The following AGFG1 variants were observed in gnomAD, a reference collection of about 807,000 sequenced individuals.
AGFG1 encodes arf-GAP domain and FG repeat-containing protein 1.
In AGFG1, 10 loss-of-function variants were observed where a neutral mutation model predicts 60.6. That is an observed-to-expected ratio of 0.16 (90% confidence interval 0.10 to 0.28). The LOEUF (loss-of-function observed/expected upper bound fraction) is 0.28, where lower values mean the gene tolerates loss of function less well. Among genes scored for constraint, AGFG1 ranks in the 10% least tolerant of loss-of-function variants. The probability of loss-of-function intolerance (pLI) is 1.00; values close to 1 mark genes in which losing one functional copy is unlikely to be tolerated. For missense variants in AGFG1, 537 were observed against 676.5 expected (o/e 0.79, Z 2.29); for synonymous variants, 247 against 242.9 (o/e 1.02, Z -0.16).
rs191115192 is a variant in AGFG1, at chr2:227,513,572, C to T, written c.262-6376C>T. On this transcript the variant is annotated intron_variant, in intron 2 of 12. Transcript: ENST00000310078. The stretch of plus-strand genomic sequence containing the variant: ...TTACTGCCAATGGGTAGTGATATGC[C>T]CTGCTGTTACTAACCCTGGGATATA... Among the ~76,000 whole-genome samples, 4 of 152,226 alleles carry T rather than the reference C, an allele frequency of 2.6e-5. No individual in the cohort carries two copies. In the East Asian group the frequency reaches 7.7e-4, roughly 29 times the overall value.
At chr2:227,545,455 C>T (rs1307037252) in intron 10 of AGFG1, among the ~76,000 whole-genome samples, 2 of 152,248 alleles carry the variant, frequency 1.3e-5, no homozygotes, top group Non-Finnish European at 2.9e-5. Flanking sequence ...CTCAAGCCTA[C>T]TTCTGTCAGT....
At chr2:227,509,343 AAGAC>A (rs1337033531) in intron 2 of AGFG1, among the ~76,000 whole-genome samples, 1 of 152,174 alleles carries the variant, frequency 6.6e-6, no homozygotes, top group Non-Finnish European at 1.5e-5. Context: ...ATAGTCATGA[AAGAC>A]AGAAAGAGTA....
intron 10 of AGFG1, among the ~76,000 whole-genome samples, chr2:227,550,420 T>C (rs954463032): frequency 2.0e-5 from 3 of 152,212 alleles, no homozygotes; most frequent in African/African-American, 4.8e-5. Context: ...CTTTTTGATA[T>C]ACCAAACCAT....
chr2:227,495,521 C>G (rs558915912), intron 2 of AGFG1, among the ~76,000 whole-genome samples: 2 of 143,432 alleles, frequency 1.4e-5, no homozygotes, highest in East Asian at 4.1e-4. Flanking sequence ...ACACCAGCCT[C>G]GGTGACCAAG....
At chr2:227,515,943 T>C (rs1409470676) in intron 2 of AGFG1, among the ~76,000 whole-genome samples, 20 of 152,124 alleles carry the variant, frequency 1.3e-4, no homozygotes, top group Admixed American at 1.3e-3. Flanking sequence ...GAATTAGAGA[T>C]TGATGTTTTC....
At position 227,554,621 on chromosome 2, in the gene AGFG1, C is replaced by A; in HGVS notation, c.*126C>A. The A allele has an allele frequency of 2.6e-6, 2 of 778,518 alleles. No homozygotes were observed. Among genetic ancestry groups the A allele is most frequent in the Non-Finnish European group, 4.0e-6 (2 of 498,750 alleles). The allele number at this position is 778,518 out of a possible 1,614,324, so 48.2% of individuals were successfully genotyped here. On this transcript the variant is annotated 3_prime_UTR_variant, in exon 13 of 13. Transcript: ENST00000310078. ...ACAAGAGAAGTCTTTAAAAAGCCTG[C>A]ATTGTGTATTAAACACCAGGTAATA... is the stretch of plus-strand genomic sequence containing the variant.
intron 2 of AGFG1, among the ~76,000 whole-genome samples, chr2:227,513,958 C>G (rs1575087956): frequency 1.3e-5 from 2 of 152,186 alleles, no homozygotes; most frequent in Admixed American, 1.3e-4. Flanking sequence ...GAGACACATG[C>G]TCCGTGATTC....
intron 1 of AGFG1, among the ~76,000 whole-genome samples, chr2:227,480,578 G>C (rs1053308263): frequency 4.2e-5 from 6 of 142,212 alleles, no homozygotes; most frequent in African/African-American, 1.3e-4. Context: ...AATATGATCA[G>C]ATGCATCAGC....
intron 10 of AGFG1, among the ~76,000 whole-genome samples, chr2:227,548,719 C>T (rs796526938): frequency 7.2e-5 from 11 of 152,102 alleles, no homozygotes; most frequent in South Asian, 2.1e-4. Context: ...AGGCGGATCA[C>T]GAGGTCAGGA....
chr2:227,560,796 T>A lies in AGFG1; in HGVS notation c.*6301T>A, dbSNP rs1367317661. 4 of 152,164 alleles carry A rather than the reference T, an allele frequency of 2.6e-5. No individual in the cohort carries two copies. The highest frequency in any genetic ancestry group is 6.5e-5 in the Admixed American group (1 of 15,280). The allele number at this position is 152,164 out of a possible 1,614,324, so 9.4% of individuals were successfully genotyped here. On this transcript the variant is annotated 3_prime_UTR_variant, in exon 13 of 13. Coordinates refer to ENST00000310078, the MANE Select transcript of AGFG1 (RefSeq NM_004504.5). ...TGAAAGTTGTGATTCTGATTCCTCA[T>A]GGTTTGGAGCTCAGAAATTTCTTAA... is the stretch of plus-strand genomic sequence containing the variant.
Position 227,548,349 on chromosome 2 carries a change from A to G in AGFG1, c.1379-3610A>G, listed in dbSNP as rs974658682. On this transcript the variant is annotated intron_variant, in intron 10 of 12. Transcript: ENST00000310078. ...GAATTGTGTGTAGTATGTGAACTAT[A>G]TTTCAGAAAGCTGTAAAAAGTCTAA... Among the ~76,000 whole-genome samples the G allele has an allele frequency of 2.0e-5, 3 of 152,230 alleles. No homozygotes were observed. In the East Asian group the frequency reaches 5.8e-4, roughly 29 times the overall value.
intron 4 of AGFG1, 103 bp downstream of exon 4, chr2:227,524,028 T>C: frequency 8.9e-7 from 1 of 1,119,266 alleles, no homozygotes. Flanking sequence ...TGTATGCCAG[T>C]AGCATTATGT....
At chr2:227,538,902 G>A (rs563180009) in intron 10 of AGFG1, among the ~76,000 whole-genome samples, 5 of 152,186 alleles carry the variant, frequency 3.3e-5, no homozygotes, top group East Asian at 3.9e-4. Flanking sequence ...AAGGTAAAAC[G>A]ACAGTGTCCA....
chr2:227,510,118 T>G (rs1691451208), intron 2 of AGFG1, among the ~76,000 whole-genome samples: 1 of 152,192 alleles, frequency 6.6e-6, no homozygotes, highest in Non-Finnish European at 1.5e-5. Flanking sequence ...TCTTTGTAAT[T>G]TACAAAGTTC....
intron 10 of AGFG1, among the ~76,000 whole-genome samples, chr2:227,542,791 CT>C (rs2106233335): frequency 6.6e-6 from 1 of 152,230 alleles, no homozygotes; most frequent in South Asian, 2.1e-4. Flanking sequence ...TGGTCCTGGA[CT>C]TTTTTTGGTT....
At chr2:227,543,550 T>G (rs1371154120) in intron 10 of AGFG1, among the ~76,000 whole-genome samples, 2 of 152,228 alleles carry the variant, frequency 1.3e-5, no homozygotes, top group African/African-American at 2.4e-5. Flanking sequence ...TATTTTGCAT[T>G]TGCTGAAGAG....
chr2:227,534,765 G>T (rs1223104467), intron 7 of AGFG1, 80 bp from the exon 8 acceptor site: 2 of 1,471,346 alleles, frequency 1.4e-6, no homozygotes, highest in Non-Finnish European at 1.9e-6. Context: ...AAGTTTACCT[G>T]TGTTTCATGG....
intron 10 of AGFG1, among the ~76,000 whole-genome samples, chr2:227,549,619 A>AAAT (rs1217115816): frequency 6.6e-6 from 1 of 152,218 alleles, no homozygotes; most frequent in Non-Finnish European, 1.5e-5. Flanking sequence ...GCTGATTTGT[A>AAAT]AATAAAACAA....
chr2:227,489,094 C>A (rs1394342561), intron 1 of AGFG1, among the ~76,000 whole-genome samples: 1 of 150,762 alleles, frequency 6.6e-6, no homozygotes, highest in African/African-American at 2.4e-5. Context: ...GGATTACAGG[C>A]ATGAGCCACT....
Sources: allele counts gnomAD v4.1 joint callset (sites outside exome capture counted in the v4.1 genomes callset), GRCh38; gene constraint gnomAD v4.1.1; transcripts MANE v1.5; gene names NCBI Gene and HGNC (gene_info 2026-07-23, HGNC 2026-07-21).